The following FAM78B variants were observed in gnomAD, a reference collection of about 807,000 sequenced individuals.
The protein encoded by FAM78B is protein FAM78B.
A neutral mutation model predicts 20.0 loss-of-function variants in FAM78B; 10 were observed. The observed-to-expected ratio is 0.50, with a 90% CI of 0.31 to 0.85. FAM78B has a LOEUF of 0.85. FAM78B is among the 40% of genes least tolerant of loss of function. FAM78B has a pLI of 0.05. For missense variants in FAM78B, 283 were observed against 345.0 expected (o/e 0.82, Z 1.42); for synonymous variants, 135 against 132.8 (o/e 1.02, Z -0.12).
intron 1 of FAM78B, among the ~76,000 whole-genome samples, chr1:166,104,789 T>A (rs1653697383): frequency 6.6e-6 from 1 of 152,144 alleles, no homozygotes; most frequent in Admixed American, 6.5e-5. Flanking sequence ...CCAAGGTAAT[T>A]TATAGATTTA....
intron 1 of FAM78B, among the ~76,000 whole-genome samples, chr1:166,150,637 T>A (rs1655638344): frequency 6.6e-6 from 1 of 152,324 alleles, no homozygotes; most frequent in Middle Eastern, 3.4e-3. Flanking sequence ...CACACTAGCA[T>A]ACACAAATTT....
intron 1 of FAM78B, among the ~76,000 whole-genome samples, chr1:166,102,965 A>T (rs576755867): frequency 1.3e-3 from 191 of 152,224 alleles, no homozygotes; most frequent in Middle Eastern, 3.4e-3. Flanking sequence ...GAAGTAAAGC[A>T]CTCCTCAGCA....
At chr1:166,096,994 A>G (rs1050616586) in intron 1 of FAM78B, among the ~76,000 whole-genome samples, 1 of 152,184 alleles carries the variant, frequency 6.6e-6, no homozygotes, top group Non-Finnish European at 1.5e-5. Flanking sequence ...CCTCTGAAGG[A>G]AGCGGACTGC....
chr1:166,109,814 G>GTGTGTATA (rs1553219345), intron 1 of FAM78B, among the ~76,000 whole-genome samples: 1 of 32,648 alleles, frequency 3.1e-5, no homozygotes, highest in African/African-American at 9.8e-5. Context: ...ATGTATATAT[G>GTGTGTATA]TATATATATA....
intron 1 of FAM78B, among the ~76,000 whole-genome samples, chr1:166,073,654 C>G (rs567483395): frequency 4.4e-4 from 66 of 151,692 alleles, no homozygotes; most frequent in African/African-American, 1.5e-3. Flanking sequence ...GTTCCAAGAA[C>G]AGTAGCACTA....
chr1:166,123,056 G>T (rs1654517536), intron 1 of FAM78B, among the ~76,000 whole-genome samples: 1 of 152,216 alleles, frequency 6.6e-6, no homozygotes, highest in South Asian at 2.1e-4. Context: ...ACATTTAAAA[G>T]AAATTCCTCA....
At chr1:166,109,822 A>ATG (rs1408131949) in intron 1 of FAM78B, among the ~76,000 whole-genome samples, 5 of 18,740 alleles carry the variant, frequency 2.7e-4, no homozygotes, top group South Asian at 2.3e-3. Context: ...ATGTATATAT[A>ATG]TATATATATG....
At chr1:166,074,329 CCT>C (rs1455669618) in intron 1 of FAM78B, among the ~76,000 whole-genome samples, 1 of 152,176 alleles carries the variant, frequency 6.6e-6, no homozygotes, top group Non-Finnish European at 1.5e-5. Flanking sequence ...TACTACTCAT[CCT>C]CTGAGAATCA....
At chr1:166,129,541 A>G (rs1654795253) in intron 1 of FAM78B, among the ~76,000 whole-genome samples, 4 of 152,190 alleles carry the variant, frequency 2.6e-5, no homozygotes, top group Admixed American at 2.6e-4. Context: ...GGATGAATTT[A>G]GGAAACCCTC....
At chr1:166,060,791 G>A in intron 2 of FAM78B, 1 of 423,256 alleles carries the variant, frequency 2.4e-6, no homozygotes, top group South Asian at 2.6e-5. Context: ...AGATGACCCT[G>A]AAATTTTACA....
intron 1 of FAM78B, among the ~76,000 whole-genome samples, chr1:166,129,536 A>G (rs1178980933): frequency 6.6e-6 from 1 of 152,170 alleles, no homozygotes; most frequent in African/African-American, 2.4e-5. Flanking sequence ...GATGTGGATG[A>G]ATTTAGGAAA....
chr1:166,155,448 C>A (rs561472689), intron 1 of FAM78B, among the ~76,000 whole-genome samples: 6 of 152,304 alleles, frequency 3.9e-5, no homozygotes, highest in African/African-American at 1.4e-4. Flanking sequence ...AAGCATCTGG[C>A]ACACACTAGT....
chr1:166,105,902 C>A (rs1653757261), intron 1 of FAM78B, among the ~76,000 whole-genome samples: 1 of 151,712 alleles, frequency 6.6e-6, no homozygotes, highest in African/African-American at 2.4e-5. Context: ...AAGACACATG[C>A]ACACGTATGT....
At chr1:166,097,446 G>C (rs766926935) in intron 1 of FAM78B, among the ~76,000 whole-genome samples, 7 of 152,236 alleles carry the variant, frequency 4.6e-5, no homozygotes, top group Non-Finnish European at 7.3e-5. Context: ...GCAGCTGAGA[G>C]GCAGATAGCC....
intron 1 of FAM78B, among the ~76,000 whole-genome samples, chr1:166,125,700 C>T (rs533920747): frequency 4.8e-4 from 73 of 152,256 alleles, no homozygotes; most frequent in African/African-American, 1.7e-3. Flanking sequence ...ATATAACCTA[C>T]GCACATCCTC....
intron 1 of FAM78B, among the ~76,000 whole-genome samples, chr1:166,164,597 G>A (rs1260695827): frequency 2.0e-5 from 3 of 152,178 alleles, no homozygotes; most frequent in African/African-American, 7.2e-5. Context: ...TGTGCTTAAA[G>A]AGAAAAGTGC....
Position 166,070,495 on chromosome 1 carries a change from T to C in FAM78B, c.532A>G (p.Thr178Ala), listed in dbSNP as rs1239022524. 1 of 1,614,182 alleles carries C rather than the reference T, an allele frequency of 6.2e-7. No individual in the cohort carries two copies. Among genetic ancestry groups the C allele is most frequent in the South Asian group, 1.1e-5 (1 of 91,070 alleles). The change falls in exon 2 of 2, where the codon ACC (threonine) becomes GCC (alanine). Residue 178 changes from threonine (T) to alanine (A), a missense_variant. By Grantham distance (58) the Thr-to-Ala change is moderately conservative. Transcript: ENST00000354422. ...AGAATGATCTTCTCCTTTGTGGTGG[T>C]GTTCATGGCCACCAGCCAGGTCGTG... ...SFTTWLVAMN[T>A]TTKEKIILQT...
chr1:166,105,512 A>G (rs1486591619), intron 1 of FAM78B, among the ~76,000 whole-genome samples: 2 of 152,254 alleles, frequency 1.3e-5, no homozygotes, highest in Non-Finnish European at 1.5e-5. Flanking sequence ...CTTACAAGAA[A>G]AAAGCAAACA....
At chr1:166,140,954 T>A (rs978467006) in intron 1 of FAM78B, among the ~76,000 whole-genome samples, 1 of 152,222 alleles carries the variant, frequency 6.6e-6, no homozygotes, top group South Asian at 2.1e-4. Context: ...TTGGAGTTCA[T>A]AGCCAGCAAA....
Sources: gnomAD v4.1 joint callset for allele counts (sites outside exome capture counted in the v4.1 genomes callset) on GRCh38, gnomAD v4.1.1 for gene constraint, MANE v1.5 for transcripts, NCBI Gene and HGNC (gene_info 2026-07-23, HGNC 2026-07-21) for gene names.